GPAM: variants seen among roughly 807,000 people sequenced by gnomAD.
The protein encoded by GPAM is glycerol-3-phosphate acyltransferase 1, mitochondrial.
A neutral mutation model predicts 105.0 loss-of-function variants in GPAM; 56 were observed. The ratio of observed to expected loss-of-function variants is 0.53; its 90% CI spans 0.43 to 0.67. The LOEUF (loss-of-function observed/expected upper bound fraction) is 0.67, where lower values mean the gene tolerates loss of function less well. Among genes scored for constraint, GPAM ranks in the 30% least tolerant of loss-of-function variants. The probability of loss-of-function intolerance (pLI) is 0.00; values close to 1 mark genes in which losing one functional copy is unlikely to be tolerated. For synonymous variants in GPAM, 368 were observed against 354.4 expected, an observed-to-expected ratio of 1.04 and a Z score of -0.43; for missense variants, 855 against 989.8, an observed-to-expected ratio of 0.86 and a Z score of 1.83.
intron 1 of GPAM, among the ~76,000 whole-genome samples, chr10:112,204,358 C>G (rs1847835952): frequency 6.7e-6 from 1 of 149,202 alleles, no homozygotes; most frequent in African/African-American, 2.5e-5. Context: ...TTGAAATAGA[C>G]AGTTGGGGAT....
At chr10:112,212,408 A>T (rs1318590561) in intron 1 of GPAM, among the ~76,000 whole-genome samples, 8 of 151,970 alleles carry the variant, frequency 5.3e-5, no homozygotes, top group African/African-American at 1.9e-4. Context: ...GACTACAGGC[A>T]CCCACAACCT....
intron 1 of GPAM, among the ~76,000 whole-genome samples, chr10:112,190,837 A>G (rs921065726): frequency 6.6e-6 from 1 of 152,190 alleles, no homozygotes; most frequent in African/African-American, 2.4e-5. Context: ...TAGAGAAGGC[A>G]GAATCTTCCA....
chr10:112,160,686 G>A lies in GPAM; in HGVS notation c.1677C>T (p.Pro559=), dbSNP rs1366134651. Residue 559 remains proline, a synonymous_variant, in exon 16 of 22, where the codon CCC becomes CCT. Coordinates refer to ENST00000348367, the MANE Select transcript of GPAM (RefSeq NM_001244949.2). The part of the protein sequence containing the change: ...TSRNDEFFIT[P]STTVPSVFEL... ...CGAAGACTGATGGGACAGTTGTGCT[G>A]GGGGTGATAAAAAACTCATCGTTCC... 1 of 1,613,406 alleles carries A rather than the reference G, an allele frequency of 6.2e-7. No homozygotes were observed. Among genetic ancestry groups the A allele is most frequent in the Admixed American group, 1.7e-5 (1 of 60,008 alleles).
intron 12 of GPAM, among the ~76,000 whole-genome samples, chr10:112,165,287 G>A (rs1340266268): frequency 6.6e-6 from 1 of 152,144 alleles, no homozygotes; most frequent in Non-Finnish European, 1.5e-5. Flanking sequence ...GGGCCTCAGG[G>A]ACCTGCCAGT....
chr10:112,154,628 C>T lies in GPAM; in HGVS notation c.2370+1G>A. 1.9e-6 allele frequency: 3 copies of T among 1,585,910 alleles called. No homozygotes were observed. The highest frequency in any genetic ancestry group is 2.6e-6 in the Non-Finnish European group (3 of 1,154,252). ...TTATACCATAAATGGTGGACACCTA[C>T]CCCAATATCCTTAAACATTTTCACA... On this transcript the variant is annotated splice_donor_variant, in intron 21 of 21. Transcript: ENST00000348367. LOFTEE classifies it high-confidence loss of function.
chr10:112,196,405 A>G (rs774973200), intron 1 of GPAM, among the ~76,000 whole-genome samples: 9 of 152,228 alleles, frequency 5.9e-5, no homozygotes, highest in Non-Finnish European at 1.0e-4. Context: ...GAACACTTCT[A>G]AAGAAATTTG....
intron 9 of GPAM, among the ~76,000 whole-genome samples, chr10:112,171,133 G>A (rs916793055): frequency 6.6e-6 from 1 of 152,114 alleles, no homozygotes; most frequent in East Asian, 1.9e-4. Flanking sequence ...TGTCCTTTCA[G>A]GTTTGAAACT....
chr10:112,195,862 G>A (rs1407230019), intron 1 of GPAM, among the ~76,000 whole-genome samples: 1 of 152,252 alleles, frequency 6.6e-6, no homozygotes, highest in Non-Finnish European at 1.5e-5. Context: ...CATTCAAGGA[G>A]CGATGTGGGA....
intron 20 of GPAM, 166 bp downstream of exon 20, chr10:112,155,698 C>A: frequency 1.7e-6 from 1 of 575,642 alleles, no homozygotes; most frequent in African/African-American, 1.9e-5. Context: ...GAGTGTATAA[C>A]TGTATCATTC....
the GPAM span, among the ~76,000 whole-genome samples, chr10:112,225,964 C>T: frequency 6.6e-6 from 1 of 152,300 alleles, no homozygotes; most frequent in East Asian, 1.9e-4. Context: ...CTCAGCCCCA[C>T]CTCCCCTGGG....
chr10:112,169,543 CTA>C (rs950695323), intron 9 of GPAM, among the ~76,000 whole-genome samples: 3 of 152,292 alleles, frequency 2.0e-5, no homozygotes, highest in East Asian at 3.9e-4. Context: ...TTTCCTAACC[CTA>C]TGTCTCTTTC....
At chr10:112,199,885 C>G (rs913272460) in intron 1 of GPAM, among the ~76,000 whole-genome samples, 4 of 152,098 alleles carry the variant, frequency 2.6e-5, no homozygotes, top group Non-Finnish European at 5.9e-5. Flanking sequence ...CCACCTGGCC[C>G]TGCACTTGAC....
chr10:112,181,980 T>C (rs1384333680), intron 2 of GPAM, among the ~76,000 whole-genome samples, 167 bp from the exon 3 acceptor site: 3 of 152,090 alleles, frequency 2.0e-5, no homozygotes, highest in Non-Finnish European at 4.4e-5. Context: ...GATGTGTTTA[T>C]ATGAACACAG....
At position 112,151,934 on chromosome 10, in the gene GPAM, C is replaced by A. The variant is rs1268772891; in HGVS notation, c.*1616G>T. 1 of 978,412 alleles carries A rather than the reference C, an allele frequency of 1.0e-6. No homozygotes were observed. The highest frequency in any genetic ancestry group is 1.8e-5 in the African/African-American group (1 of 57,026). 60.6% of individuals were successfully genotyped at this position (978,412 alleles called of 1,614,324 possible). Reference sequence around the variant, plus strand: ...ATGACTTCATGGTATACATCAATTCCTATAAAGAAAAAATATATTTTAAAT... The same window carrying A: ...ATGACTTCATGGTATACATCAATTCATATAAAGAAAAAATATATTTTAAAT... On this transcript the variant is annotated 3_prime_UTR_variant, in exon 22 of 22. Coordinates refer to ENST00000348367, the MANE Select transcript of GPAM (RefSeq NM_001244949.2).
Position 112,168,438 on chromosome 10 carries a change from A to G in GPAM, c.981T>C (p.Ala327=). 6.2e-7 allele frequency: 1 copy of G among 1,611,970 alleles called. No homozygotes were observed. Among genetic ancestry groups the G allele is most frequent in the Non-Finnish European group, 8.5e-7 (1 of 1,178,022 alleles). The stretch of plus-strand genomic sequence containing the variant: ...CCACAACTGACAAAAGTCCTGCCCG[A>G]GCACAAGAGGTTTTTCCACTCCTAG... ...TRSRSGKTSC[A]RAGLLSVVVD... is the part of the protein sequence containing the mutation. The change falls in exon 11 of 22, where the codon GCT becomes GCC. Residue 327 remains alanine (A), a synonymous_variant. Coordinates refer to ENST00000348367, the MANE Select transcript of GPAM (RefSeq NM_001244949.2).
chr10:112,164,678 T>C lies in GPAM; in HGVS notation c.1222-68A>G, dbSNP rs375542175. On this transcript the variant is annotated intron_variant, in intron 12 of 21. Transcript: ENST00000348367. Reference sequence around the variant, plus strand: ...CACCAACATATAAAATGTAATTTCATCTTCCAAAGGTTAAAAGGGAGTTGT... The same window carrying C: ...CACCAACATATAAAATGTAATTTCACCTTCCAAAGGTTAAAAGGGAGTTGT... The C allele has an allele frequency of 2.4e-4, 210 of 867,764 alleles. No individual in the cohort carries two copies. The Middle Eastern group carries it at 4.3e-3, about 18-fold the overall frequency. 53.8% of individuals were successfully genotyped at this position (867,764 alleles called of 1,614,324 possible).
chr10:112,212,266 C>G (rs1389687525), intron 1 of GPAM, among the ~76,000 whole-genome samples: 1 of 152,074 alleles, frequency 6.6e-6, no homozygotes, highest in East Asian at 1.9e-4. Flanking sequence ...CCGGTTTTCG[C>G]TGTTACTTTT....
chr10:112,216,517 T>C (rs1847970401), upstream of GPAM, among the ~76,000 whole-genome samples: 1 of 152,134 alleles, frequency 6.6e-6, no homozygotes, highest in Admixed American at 6.5e-5. Context: ...GAGGGACAAG[T>C]ACAGTCAAAT....
At chr10:112,158,930 A>G (rs1343386722) in intron 17 of GPAM, among the ~76,000 whole-genome samples, 1 of 152,166 alleles carries the variant, frequency 6.6e-6, no homozygotes, top group African/African-American at 2.4e-5. Flanking sequence ...CAGGACCACG[A>G]GCACACCTCA....
Sources: allele counts gnomAD v4.1 joint callset (sites outside exome capture counted in the v4.1 genomes callset), GRCh38; gene constraint gnomAD v4.1.1; transcripts MANE v1.5; gene names NCBI Gene and HGNC (gene_info 2026-07-23, HGNC 2026-07-21).